The following PDE10A variants were observed in gnomAD, a reference collection of about 807,000 sequenced individuals.
PDE10A encodes cAMP and cAMP-inhibited cGMP 3',5'-cyclic phosphodiesterase 10A.
A neutral mutation model predicts 97.7 loss-of-function variants in PDE10A; 39 were observed. The observed-to-expected ratio is 0.40, with a 90% CI of 0.31 to 0.52. The LOEUF (loss-of-function observed/expected upper bound fraction) is 0.52, where lower values mean the gene tolerates loss of function less well. PDE10A is among the 20% of genes least tolerant of loss of function. PDE10A has a pLI of 0.56. For synonymous variants in PDE10A, 371 were observed against 376.8 expected, an observed-to-expected ratio of 0.98 and a Z score of 0.18; for missense variants, 731 against 1,047.8, an observed-to-expected ratio of 0.70 and a Z score of 4.17.
chr6:165,825,956 T>A (rs113852249), intron 1 of PDE10A, among the ~76,000 whole-genome samples: 60 of 152,286 alleles, frequency 3.9e-4, no homozygotes, highest in African/African-American at 1.4e-3. Flanking sequence ...ATTACAGTCA[T>A]AATTTTGATT....
chr6:165,580,335 G>A (rs1785542764), intron 1 of PDE10A, among the ~76,000 whole-genome samples: 1 of 152,184 alleles, frequency 6.6e-6, no homozygotes, highest in African/African-American at 2.4e-5. Flanking sequence ...GGAATTTCCA[G>A]AGATGACAGC....
intron 2 of PDE10A, 145 bp downstream of exon 2, chr6:165,543,295 C>T: frequency 1.9e-6 from 1 of 520,428 alleles, no homozygotes; most frequent in Non-Finnish European, 3.0e-6. Context: ...CTTACTTTAT[C>T]TTTTTAAATG....
chr6:165,963,659 G>A (rs1784421683), intron 1 of PDE10A, among the ~76,000 whole-genome samples: 1 of 152,216 alleles, frequency 6.6e-6, no homozygotes, highest in Non-Finnish European at 1.5e-5. Context: ...TGGGTGACCG[G>A]AGGAAGGCAG....
chr6:165,610,347 T>A (rs955531732), intron 1 of PDE10A, among the ~76,000 whole-genome samples: 6 of 151,942 alleles, frequency 3.9e-5, no homozygotes, highest in Non-Finnish European at 7.4e-5. Flanking sequence ...ATCGAGACCA[T>A]GGTGAAACCC....
chr6:165,930,812 C>T (rs1023446851), intron 1 of PDE10A, among the ~76,000 whole-genome samples: 2 of 152,240 alleles, frequency 1.3e-5, no homozygotes, highest in Admixed American at 1.3e-4. Flanking sequence ...GCTGGAGCTG[C>T]GGGGAAGGCT....
intron 2 of PDE10A, among the ~76,000 whole-genome samples, chr6:165,492,410 A>C (rs1780278981): frequency 6.6e-6 from 1 of 152,182 alleles, no homozygotes; most frequent in Non-Finnish European, 1.5e-5. Context: ...ACAACCAAAA[A>C]ATAAAACTAT....
intron 1 of PDE10A, among the ~76,000 whole-genome samples, chr6:165,714,913 A>T (rs1437384393): frequency 6.7e-6 from 1 of 148,758 alleles, no homozygotes; most frequent in Non-Finnish European, 1.5e-5. Flanking sequence ...CCCCTTCCCC[A>T]GCCCAGGGCA....
chr6:165,734,028 G>A (rs770730633), intron 1 of PDE10A, among the ~76,000 whole-genome samples: 18 of 152,176 alleles, frequency 1.2e-4, no homozygotes, highest in Non-Finnish European at 2.4e-4. Flanking sequence ...GGGACAGGGA[G>A]CTGAGCAGCT....
At chr6:165,506,468 T>C (rs1422135540) in intron 2 of PDE10A, among the ~76,000 whole-genome samples, 3 of 152,186 alleles carry the variant, frequency 2.0e-5, no homozygotes, top group African/African-American at 7.2e-5. Context: ...GAGGAGATTT[T>C]ACATCACGTA....
At chr6:165,371,318 T>C (rs1334240578) in intron 18 of PDE10A, among the ~76,000 whole-genome samples, 1 of 151,814 alleles carries the variant, frequency 6.6e-6, no homozygotes, top group Non-Finnish European at 1.5e-5. Context: ...ATCAACAAAA[T>C]TGATAGACTG....
chr6:165,732,770 T>C (rs1007006660), intron 1 of PDE10A, among the ~76,000 whole-genome samples: 1 of 152,236 alleles, frequency 6.6e-6, no homozygotes, highest in African/African-American at 2.4e-5. Flanking sequence ...AGTCTCCACC[T>C]GGCATATGAG....
intron 1 of PDE10A, among the ~76,000 whole-genome samples, chr6:165,905,177 A>G (rs1480005136): frequency 6.6e-6 from 1 of 152,236 alleles, no homozygotes; most frequent in East Asian, 1.9e-4. Context: ...CTTTAACTTT[A>G]CAAAAGTAAT....
intron 1 of PDE10A, among the ~76,000 whole-genome samples, chr6:165,619,466 A>AGTGTGGTGTG (rs1399528027): frequency 2.3e-5 from 3 of 131,848 alleles, no homozygotes; most frequent in Non-Finnish European, 3.1e-5. Context: ...AGTGTAGTCT[A>AGTGTGGTGTG]GTGTAGTGTA....
At chr6:165,962,826 G>A (rs1019333451) in intron 1 of PDE10A, among the ~76,000 whole-genome samples, 1 of 152,196 alleles carries the variant, frequency 6.6e-6, no homozygotes, top group Admixed American at 6.5e-5. Flanking sequence ...GGGTGAATAA[G>A]GTCCATCTGC....
At chr6:165,755,332 G>A (rs981756346) in intron 1 of PDE10A, among the ~76,000 whole-genome samples, 2 of 152,074 alleles carry the variant, frequency 1.3e-5, no homozygotes, top group Non-Finnish European at 2.9e-5. Flanking sequence ...TAGCACTTGC[G>A]CGTTTTCAGT....
chr6:165,813,763 T>C (rs761377739), intron 1 of PDE10A, among the ~76,000 whole-genome samples: 12 of 146,216 alleles, frequency 8.2e-5, no homozygotes, highest in Non-Finnish European at 1.0e-4. Flanking sequence ...CCAAACTCTA[T>C]AAAACCTTGA....
At chr6:165,651,954 C>T (rs1169999522) in intron 1 of PDE10A, among the ~76,000 whole-genome samples, 1 of 152,054 alleles carries the variant, frequency 6.6e-6, no homozygotes, top group Non-Finnish European at 1.5e-5. Flanking sequence ...TAGATTCTGC[C>T]ACGTGTCTGG....
At chr6:165,371,338 C>T (rs1383553669) in intron 18 of PDE10A, among the ~76,000 whole-genome samples, 2 of 151,970 alleles carry the variant, frequency 1.3e-5, no homozygotes, top group African/African-American at 4.8e-5. Context: ...GCTAGCAAGA[C>T]TACTAAAGAA....
At chr6:165,454,358 G>A (rs1450252732) in intron 3 of PDE10A, among the ~76,000 whole-genome samples, 1 of 152,160 alleles carries the variant, frequency 6.6e-6, no homozygotes, top group Non-Finnish European at 1.5e-5. Context: ...AAAAGGACAT[G>A]AATTTTGGTG....
Sources: gnomAD v4.1 joint callset for allele counts (sites outside exome capture counted in the v4.1 genomes callset) on GRCh38, gnomAD v4.1.1 for gene constraint, MANE v1.5 for transcripts, NCBI Gene and HGNC (gene_info 2026-07-23, HGNC 2026-07-21) for gene names.